Variants in GDE1 observed in about 807,000 individuals in gnomAD.
GDE1 encodes RGS16-interacting membrane protein.
A neutral mutation model predicts 32.2 loss-of-function variants in GDE1; 24 were observed. The ratio of observed to expected loss-of-function variants is 0.75; its 90% CI spans 0.54 to 1.05. The LOEUF is 1.05. Among genes scored for constraint, GDE1 ranks in the 50% least tolerant of loss-of-function variants. The pLI is 0.00. For missense variants in GDE1, 380 were observed against 415.0 expected (o/e 0.92, Z 0.73); for synonymous variants, 159 against 158.6 (o/e 1.00, Z -0.02).
At chr16:19,513,658 A>G (rs998278177) in intron 2 of GDE1, among the ~76,000 whole-genome samples, 1 of 152,168 alleles carries the variant, frequency 6.6e-6, no homozygotes, top group African/African-American at 2.4e-5. Context: ...AGCAAAATTG[A>G]TATGAAGGTC....
Position 19,510,913 on chromosome 16 carries a change from G to C in GDE1, c.469C>G (p.Leu157Val). The change falls in exon 3 of 6, where the codon CTA becomes GTA. Residue 157 changes from leucine (L) to valine (V), a missense_variant. Coordinates refer to ENST00000353258, the MANE Select transcript of GDE1 (RefSeq NM_016641.4). Reference protein sequence around the residue: ...NDFPDEKIPTLREAVAECLNH... With the variant: ...NDFPDEKIPTVREAVAECLNH... ...AGGCACTCTGCAACAGCTTCCCTTA[G>C]GGTAGGGATCTTTTCATCAGGGAAA... The C allele has an allele frequency of 1.9e-6, 3 of 1,597,246 alleles. No homozygotes were observed. Among genetic ancestry groups the C allele is most frequent in the East Asian group, 2.2e-5 (1 of 44,464 alleles).
intron 2 of GDE1, 107 bp downstream of exon 2, chr16:19,516,907 A>G: frequency 1.0e-6 from 1 of 996,870 alleles, no homozygotes; most frequent in Non-Finnish European, 1.5e-6. Context: ...TACAGTTCAA[A>G]ACAAAACAAG....
At chr16:19,505,696 AAGG>A (rs1445812743) in intron 4 of GDE1, among the ~76,000 whole-genome samples, 1 of 152,214 alleles carries the variant, frequency 6.6e-6, no homozygotes, top group African/African-American at 2.4e-5. Context: ...CTCTGTGGTC[AAGG>A]AAGTTTGGGA....
chr16:19,515,889 G>T (rs890262253), intron 2 of GDE1, among the ~76,000 whole-genome samples: 15 of 152,076 alleles, frequency 9.9e-5, no homozygotes, highest in Non-Finnish European at 7.4e-5. Flanking sequence ...CTGCAAAGAT[G>T]ACAAGCAGAG....
At position 19,503,184 on chromosome 16, in the gene GDE1, T is replaced by C; in HGVS notation, c.*286A>G. The C allele has an allele frequency of 2.3e-6, 1 of 426,910 alleles. No homozygotes were observed. Among genetic ancestry groups the C allele is most frequent in the East Asian group, 3.9e-5 (1 of 25,940 alleles). 26.4% of individuals were successfully genotyped at this position (426,910 alleles called of 1,614,324 possible). On this transcript the variant is annotated 3_prime_UTR_variant, in exon 6 of 6. Coordinates refer to ENST00000353258, the MANE Select transcript of GDE1 (RefSeq NM_016641.4). ...AACTGTACAATTCAATCTGTGCTTATCCTCACTGGGTCTCCCTGTGTGCCT... is the reference window on the plus strand; with the variant it reads ...AACTGTACAATTCAATCTGTGCTTACCCTCACTGGGTCTCCCTGTGTGCCT...
intron 1 of GDE1, among the ~76,000 whole-genome samples, chr16:19,520,262 C>G (rs1010744785): frequency 4.6e-5 from 7 of 151,782 alleles, no homozygotes; most frequent in African/African-American, 1.7e-4. Context: ...CTTGGCCGGG[C>G]ACGGTGGCTC....
rs758729768 is a variant in GDE1 at position 19,503,115 on chromosome 16, C to CT, written c.*354dup. The CT allele has an allele frequency of 4.9e-6, 1 of 205,132 alleles. No homozygotes were observed. The highest frequency in any genetic ancestry group is 1.1e-4 in the East Asian group (1 of 8,830). 12.7% of individuals were successfully genotyped at this position (205,132 alleles called of 1,614,324 possible). ...TGTGGCAAGTTTTAAAATGTCAACT[C>CT]TGAGTTATCATGCATGTCCCATGCA... On this transcript the variant is annotated 3_prime_UTR_variant, in exon 6 of 6. Coordinates refer to ENST00000353258, the MANE Select transcript of GDE1 (RefSeq NM_016641.4).
chr16:19,521,979 C>T lies in GDE1; in HGVS notation c.-15G>A. 2 of 1,521,748 alleles carry T rather than the reference C, an allele frequency of 1.3e-6. No individual in the cohort carries two copies. Among genetic ancestry groups the T allele is most frequent in the Non-Finnish European group, 8.9e-7 (1 of 1,128,818 alleles). 94.3% of individuals were successfully genotyped at this position (1,521,748 alleles called of 1,614,324 possible). ...CACAGCCACATGCCGGCGCCCGCACCGGCACGGACGGGAGTCCCGGACCCG... is the reference window on the plus strand; with the variant it reads ...CACAGCCACATGCCGGCGCCCGCACTGGCACGGACGGGAGTCCCGGACCCG... On this transcript the variant is annotated 5_prime_UTR_variant, in exon 1 of 6. Coordinates refer to ENST00000353258, the MANE Select transcript of GDE1 (RefSeq NM_016641.4).
chr16:19,502,451 A>C lies in GDE1; in HGVS notation c.*1019T>G, dbSNP rs187785060. The C allele has an allele frequency of 2.2e-5, 3 of 136,140 alleles. No homozygotes were observed. The highest frequency in any genetic ancestry group is 4.3e-4 in the East Asian group (2 of 4,620). 8.4% of individuals were successfully genotyped at this position (136,140 alleles called of 1,614,324 possible). On this transcript the variant is annotated 3_prime_UTR_variant, in exon 6 of 6. Transcript: ENST00000353258. The stretch of plus-strand genomic sequence containing the variant: ...CACCAAGGTTGTAGTGCCGTGGTGT[A>C]ATCATGGCTCATTGCAGCCTTGAAC...
intron 2 of GDE1, 72 bp downstream of exon 2, chr16:19,516,942 T>G (rs1366941438): frequency 4.5e-6 from 6 of 1,331,596 alleles, no homozygotes; most frequent in African/African-American, 1.4e-5. Context: ...GCAGATGTAA[T>G]TAGAAGGCAC....
In GDE1 at chr16:19,517,170, G is replaced by T; in HGVS notation, c.281C>A (p.Thr94Lys). 1 of 1,613,540 alleles carries T rather than the reference G, an allele frequency of 6.2e-7. No individual in the cohort carries two copies. The highest frequency in any genetic ancestry group is 8.5e-7 in the Non-Finnish European group (1 of 1,179,522). The change falls in exon 2 of 6, where the codon ACA (threonine) becomes AAA (lysine). Residue 94 changes from threonine to lysine, a missense_variant. Thr to Lys is a moderately conservative substitution (Grantham distance 78). Coordinates refer to ENST00000353258, the MANE Select transcript of GDE1 (RefSeq NM_016641.4). ...AIRQAAKNGA[T>K]GVELDIEFTS... ...AAACTCAATGTCCAACTCCACGCCT[G>T]TTGCTCCATTCTTAGCTGCCTTAAC...
chr16:19,517,567 C>A (rs1969396888), intron 1 of GDE1, among the ~76,000 whole-genome samples: 1 of 152,060 alleles, frequency 6.6e-6, no homozygotes, highest in African/African-American at 2.4e-5. Flanking sequence ...CTGATGATCA[C>A]CCTACGGTTG....
Position 19,502,843 on chromosome 16 carries a change from TGCA to T in GDE1, c.*624_*626del, listed in dbSNP as rs1969195608. On this transcript the variant is annotated 3_prime_UTR_variant, in exon 6 of 6. Coordinates refer to ENST00000353258, the MANE Select transcript of GDE1 (RefSeq NM_016641.4). ...AATGCAACTCTGCCCCCTGGTGGTTTGCAGCTCTCTATTCAAGATGCTATAAAT... is the reference window on the plus strand; with the variant it reads ...AATGCAACTCTGCCCCCTGGTGGTTTGCTCTCTATTCAAGATGCTATAAAT... 1 of 152,254 alleles carries T rather than the reference TGCA, an allele frequency of 6.6e-6. No individual in the cohort carries two copies. Among genetic ancestry groups the T allele is most frequent in the African/African-American group, 2.4e-5 (1 of 41,460 alleles). The allele number at this position is 152,254 out of a possible 1,614,324, so 9.4% of individuals were successfully genotyped here.
chr16:19,514,665 A>G (rs547155959), intron 2 of GDE1, among the ~76,000 whole-genome samples: 258 of 152,332 alleles, frequency 1.7e-3, no homozygotes, highest in African/African-American at 5.4e-3. Context: ...ATGAAAACTA[A>G]GTGCTTGATA....
At chr16:19,521,482 C>T in intron 1 of GDE1, 1 of 574,942 alleles carries the variant, frequency 1.7e-6, no homozygotes, top group East Asian at 2.8e-5. Context: ...ACCTTAGCGT[C>T]AGGCGCACAG....
intron 3 of GDE1, among the ~76,000 whole-genome samples, chr16:19,509,746 T>C (rs967543237): frequency 6.6e-6 from 1 of 151,540 alleles, no homozygotes; most frequent in African/African-American, 2.4e-5. Context: ...GTGCAACCTC[T>C]GTCTCCCCGG....
In GDE1 at chr16:19,503,545, C is replaced by A; in HGVS notation, c.921G>T (p.Lys307Asn). The A allele has an allele frequency of 6.2e-7, 1 of 1,613,376 alleles. No individual in the cohort carries two copies. The highest frequency in any genetic ancestry group is 1.1e-5 in the South Asian group (1 of 91,062). ...AACCAAGATGGGATTCGTAGTAACTCTTTTCATCAAAGGTATTAACAGTCC... is the reference window on the plus strand; with the variant it reads ...AACCAAGATGGGATTCGTAGTAACTATTTTCATCAAAGGTATTAACAGTCC... Reference protein sequence around the residue: ...VGWTVNTFDEKSYYESHLGSS... With the variant: ...VGWTVNTFDENSYYESHLGSS... The change falls in exon 6 of 6, where the codon AAG (lysine) becomes AAT (asparagine). Residue 307 changes from lysine (K) to asparagine (N), a missense_variant. Lys to Asn is a moderately conservative substitution (Grantham distance 94). Transcript: ENST00000353258.
chr16:19,512,428 T>A (rs1384261777), intron 2 of GDE1, among the ~76,000 whole-genome samples: 1 of 152,190 alleles, frequency 6.6e-6, no homozygotes, highest in Non-Finnish European at 1.5e-5. Flanking sequence ...ATTATTGTTT[T>A]TGCTGTTAAG....
At chr16:19,506,304 AAAC>A (rs1183020467) in intron 4 of GDE1, among the ~76,000 whole-genome samples, 1 of 152,084 alleles carries the variant, frequency 6.6e-6, no homozygotes, top group East Asian at 1.9e-4. Context: ...ACCCCCCCCA[AAAC>A]AAACAAACAA....
Sources: gnomAD v4.1 joint callset for allele counts (sites outside exome capture counted in the v4.1 genomes callset) on GRCh38, gnomAD v4.1.1 for gene constraint, MANE v1.5 for transcripts, NCBI Gene and HGNC (gene_info 2026-07-23, HGNC 2026-07-21) for gene names.